The following ABCB11 variants were observed in gnomAD, a reference collection of about 807,000 sequenced individuals.
ABCB11 encodes the protein bile salt export pump.
ABCB11 carries 95 observed loss-of-function variants against 148.0 expected under a neutral mutation model. The ratio of observed to expected loss-of-function variants is 0.64; its 90% confidence interval spans 0.54 to 0.76. The LOEUF (loss-of-function observed/expected upper bound fraction) is 0.76. Ranked by LOEUF, ABCB11 falls within the 30% of genes least tolerant of loss-of-function variation. The pLI is 0.00. For synonymous variants in ABCB11, 591 were observed against 555.4 expected (o/e 1.06, Z -0.90); for missense variants, 1,523 against 1,617.8 (o/e 0.94, Z 1.01).
At chr2:168,931,093 A>C (rs1559179598) in intron 24 of ABCB11, among the ~76,000 whole-genome samples, 1 of 152,176 alleles carries the variant, frequency 6.6e-6, no homozygotes, top group Non-Finnish European at 1.5e-5. Flanking sequence ...GACTCCCCCT[A>C]TTCCCAGTCT....
At chr2:169,009,943 CT>C (rs1695132394) in intron 5 of ABCB11, among the ~76,000 whole-genome samples, 1 of 152,056 alleles carries the variant, frequency 6.6e-6, no homozygotes, top group African/African-American at 2.4e-5. Context: ...ATATATATTG[CT>C]AAGAACATAG....
chr2:168,937,394 G>A (rs1024698408), intron 21 of ABCB11, among the ~76,000 whole-genome samples: 1 of 152,138 alleles, frequency 6.6e-6, no homozygotes, highest in Non-Finnish European at 1.5e-5. Flanking sequence ...GGGTCATATG[G>A]TAGTCCCCTG....
At chr2:168,988,485 T>C (rs1259706780) in intron 9 of ABCB11, among the ~76,000 whole-genome samples, 11 of 152,128 alleles carry the variant, frequency 7.2e-5, no homozygotes, top group Non-Finnish European at 1.6e-4. Context: ...CATGTAAATT[T>C]ACACACACAT....
intron 21 of ABCB11, 39 bp from the exon 22 acceptor site, chr2:168,936,472 A>G: frequency 6.2e-7 from 1 of 1,601,060 alleles, no homozygotes; most frequent in Non-Finnish European, 8.6e-7. Context: ...TCAGACACAC[A>G]GTCGCTTTTA....
At chr2:168,940,000 C>T (rs1691993314) in intron 21 of ABCB11, among the ~76,000 whole-genome samples, 1 of 152,028 alleles carries the variant, frequency 6.6e-6, no homozygotes, top group Non-Finnish European at 1.5e-5. Context: ...TGTGTTTGTT[C>T]TGACTGCTCC....
chr2:168,930,510 G>A (rs1302118896), intron 25 of ABCB11, among the ~76,000 whole-genome samples, 155 bp downstream of exon 25: 1 of 152,232 alleles, frequency 6.6e-6, no homozygotes, highest in Admixed American at 6.5e-5. Context: ...ATCAGGTGAA[G>A]CAGCAAATGA....
intron 19 of ABCB11, among the ~76,000 whole-genome samples, chr2:168,945,554 G>A (rs538416034): frequency 6.6e-6 from 1 of 151,340 alleles, no homozygotes; most frequent in East Asian, 2.0e-4. Context: ...AGAAAGGAAG[G>A]AAGGAAAGGA....
intron 18 of ABCB11, among the ~76,000 whole-genome samples, chr2:168,959,978 G>A (rs1692993329): frequency 6.9e-6 from 1 of 145,854 alleles, no homozygotes; most frequent in Non-Finnish European, 1.5e-5. Flanking sequence ...TGAACACTGT[G>A]ATTCAGGATG....
rs118190191 is a variant in ABCB11 at position 169,008,031 on chromosome 2, G to A, written c.389+5241C>T. ...AGATCTGAATAGATATTTTTCTGAA[G>A]AAGATGTGCAAATGGCCAACAAGCA... On this transcript the variant is annotated intron_variant, in intron 5 of 27. Transcript: ENST00000650372. 7.5e-3 allele frequency among the ~76,000 whole-genome samples: 1,135 copies of A among 152,204 alleles called. 31 individuals are homozygous for A. The highest frequency in any genetic ancestry group is 0.032 in the East Asian group (164 of 5,178).
chr2:168,959,160 C>G (rs965971844), intron 18 of ABCB11, among the ~76,000 whole-genome samples: 2 of 151,664 alleles, frequency 1.3e-5, no homozygotes, highest in Non-Finnish European at 3.0e-5. Flanking sequence ...AAGTCTGTGT[C>G]ATGTCCATTT....
At chr2:168,968,552 G>T (rs1693419575) in intron 16 of ABCB11, 62 bp from the exon 17 acceptor site, 6 of 1,335,434 alleles carry the variant, frequency 4.5e-6, no homozygotes, top group Non-Finnish European at 6.2e-6. Flanking sequence ...TATCCAAGTA[G>T]AATTCTTTAC....
At chr2:168,973,973 G>T in intron 12 of ABCB11, 133 bp from the exon 13 acceptor site, 1 of 983,380 alleles carries the variant, frequency 1.0e-6, no homozygotes, top group Non-Finnish European at 1.5e-6. Context: ...CCAAAGCAAC[G>T]TCCACTGAAA....
intron 23 of ABCB11, among the ~76,000 whole-genome samples, chr2:168,934,180 C>A (rs1268017913): frequency 6.6e-6 from 1 of 152,138 alleles, no homozygotes; most frequent in Non-Finnish European, 1.5e-5. Flanking sequence ...TTTGTGTTTT[C>A]TAATTTAGAC....
intron 11 of ABCB11, among the ~76,000 whole-genome samples, chr2:168,979,029 A>G (rs1694036293): frequency 6.6e-6 from 1 of 152,068 alleles, no homozygotes; most frequent in African/African-American, 2.4e-5. Context: ...CTGTTCTTGG[A>G]TTTTGACTCC....
intron 5 of ABCB11, among the ~76,000 whole-genome samples, chr2:169,004,140 C>G (rs1169669961): frequency 6.6e-6 from 1 of 152,096 alleles, no homozygotes; most frequent in Non-Finnish European, 1.5e-5. Context: ...AGGTGATGAT[C>G]TTTTTGCAAT....
chr2:168,985,921 C>T (rs924494633), intron 10 of ABCB11, among the ~76,000 whole-genome samples, 189 bp downstream of exon 10: 19 of 151,992 alleles, frequency 1.3e-4, no homozygotes, highest in African/African-American at 4.6e-4. Context: ...TAAATACCAC[C>T]TGTTTCCCAA....
chr2:169,024,303 T>C (rs549545891), intron 1 of ABCB11, among the ~76,000 whole-genome samples: 3 of 152,350 alleles, frequency 2.0e-5, no homozygotes, highest in African/African-American at 4.8e-5. Context: ...ACCATCATCA[T>C]GTATTTTTCC....
chr2:168,981,568 G>A (rs911133696), intron 10 of ABCB11, among the ~76,000 whole-genome samples: 3 of 152,136 alleles, frequency 2.0e-5, no homozygotes, highest in Admixed American at 6.6e-5. Context: ...TGATGATGCT[G>A]ACAGTGAAGA....
chr2:168,952,361 T>C (rs1371384824), intron 19 of ABCB11, among the ~76,000 whole-genome samples: 9 of 146,962 alleles, frequency 6.1e-5, no homozygotes, highest in Non-Finnish European at 1.2e-4. Context: ...TGGGCTTTTA[T>C]TTTTTTTTGT....
Sources: gnomAD v4.1 joint callset for allele counts (sites outside exome capture counted in the v4.1 genomes callset) on GRCh38, gnomAD v4.1.1 for gene constraint, MANE v1.5 for transcripts, NCBI Gene and HGNC (gene_info 2026-07-23, HGNC 2026-07-21) for gene names.